STK32B: variants seen among roughly 807,000 people sequenced by gnomAD.
STK32B encodes the protein serine/threonine kinase 32B.
A neutral mutation model predicts 52.6 loss-of-function variants in STK32B; 43 were observed. The ratio of observed to expected loss-of-function variants is 0.82; its 90% CI spans 0.64 to 1.05. The LOEUF is 1.05. Ranked by LOEUF, STK32B falls within the 50% of genes least tolerant of loss-of-function variation. STK32B has a pLI of 0.00. For synonymous variants in STK32B, 238 were observed against 204.3 expected (o/e 1.17, Z -1.41); for missense variants, 621 against 534.6 (o/e 1.16, Z -1.59).
At chr4:5,421,541 T>G (rs1712649008) in intron 6 of STK32B, among the ~76,000 whole-genome samples, 1 of 152,206 alleles carries the variant, frequency 6.6e-6, no homozygotes, top group South Asian at 2.1e-4. Flanking sequence ...AAGGCAGTTT[T>G]CTACCAGCCC....
chr4:5,395,694 A>G lies in STK32B; in HGVS notation c.435-2513A>G, dbSNP rs1170030143. Among the ~76,000 whole-genome samples the G allele has an allele frequency of 6.6e-6, 1 of 152,238 alleles. No individual in the cohort carries two copies. Among genetic ancestry groups the G allele is most frequent in the Non-Finnish European group, 1.5e-5 (1 of 68,046 alleles). The stretch of plus-strand genomic sequence containing the variant: ...AATGCTTGAGATTCCACTCTGTGCT[A>G]AGAGCCAACACAGAAGCAATGTGTG... On this transcript the variant is annotated intron_variant, in intron 4 of 11. Coordinates refer to ENST00000282908, the MANE Select transcript of STK32B (RefSeq NM_018401.3). This position sits in a 1 kb window ranked among gnomAD's most constrained non-coding sequence, Gnocchi z 4.4.
Position 5,249,441 on chromosome 4 carries a change from ACCTTCCTTCCTTCCTTCCTTCCTTCCTT to A in STK32B, c.260+81027_260+81054del, listed in dbSNP as rs149485895. ...GTCTGTTCTTCCTTCCTTCCTACCT[ACCTTCCTTCCTTCCTTCCTTCCTTCCTT>A]CCTTCCTTCCTTCCTTCCTTCCTTC... On this transcript the variant is annotated intron_variant, in intron 3 of 11. Transcript: ENST00000282908. 3.8e-3 allele frequency among the ~76,000 whole-genome samples: 523 copies of A among 137,440 alleles called. 4 individuals carry two copies. Among genetic ancestry groups the A allele is most frequent in the South Asian group, 0.024 (97 of 3,998 alleles). The allele number at this position is 137,440 out of a possible 152,430, so 90.2% of individuals were successfully genotyped here.
At chr4:5,020,625 C>T in the STK32B span, among the ~76,000 whole-genome samples, 18 of 152,144 alleles carry the variant, frequency 1.2e-4, no homozygotes, top group East Asian at 3.9e-4. Flanking sequence ...GTCCTCCTGC[C>T]ATTCTTCCAT....
intron 2 of STK32B, among the ~76,000 whole-genome samples, chr4:5,152,350 C>T (rs996951696): frequency 1.3e-5 from 2 of 152,146 alleles, no homozygotes; most frequent in African/African-American, 2.4e-5. Flanking sequence ...TATTTTGCAA[C>T]CTGGACACAT....
intron 11 of STK32B, among the ~76,000 whole-genome samples, chr4:5,490,578 T>C (rs1299585789): frequency 2.0e-5 from 3 of 152,086 alleles, no homozygotes; most frequent in Non-Finnish European, 2.9e-5. Context: ...ATTTTTTAAA[T>C]TTTTTTATTA....
At chr4:5,411,730 A>G (rs984431539) in intron 5 of STK32B, among the ~76,000 whole-genome samples, 2 of 152,226 alleles carry the variant, frequency 1.3e-5, no homozygotes, top group African/African-American at 4.8e-5. Flanking sequence ...TTTGACAAAT[A>G]CATTTGAACC....
At chr4:5,141,977 C>T (rs951419381) in intron 2 of STK32B, among the ~76,000 whole-genome samples, 15 of 152,144 alleles carry the variant, frequency 9.9e-5, no homozygotes, top group East Asian at 7.7e-4. Flanking sequence ...CCAACCAACC[C>T]GTTTTATTGG....
chr4:5,471,682 A>G (rs7694659), intron 11 of STK32B, among the ~76,000 whole-genome samples: 23,256 of 151,910 alleles, frequency 0.15, 4,114 homozygotes, highest in African/African-American at 0.44. Flanking sequence ...CATGGGGACC[A>G]GCGTTTTAAT....
chr4:5,293,893 G>T (rs1729038375), intron 3 of STK32B, among the ~76,000 whole-genome samples: 1 of 152,072 alleles, frequency 6.6e-6, no homozygotes, highest in Admixed American at 6.6e-5. Context: ...TATTGCCTAG[G>T]TTTTCTTCTA....
At chr4:5,222,215 C>T (rs1237762520) in intron 3 of STK32B, among the ~76,000 whole-genome samples, 1 of 152,124 alleles carries the variant, frequency 6.6e-6, no homozygotes, top group Non-Finnish European at 1.5e-5. Flanking sequence ...TACAGCAGCA[C>T]AAACAGACCA....
chr4:5,493,101 G>C (rs1051058794), intron 11 of STK32B, among the ~76,000 whole-genome samples: 3 of 151,640 alleles, frequency 2.0e-5, no homozygotes, highest in Non-Finnish European at 4.4e-5. Flanking sequence ...CATAAAATGA[G>C]TTAGGGAGGA....
At chr4:5,048,463 A>C (rs1741658739), upstream of STK32B, among the ~76,000 whole-genome samples, 3 of 152,042 alleles carry the variant, frequency 2.0e-5, no homozygotes, top group South Asian at 6.2e-4. Flanking sequence ...CGCTTGGCTA[A>C]TATTTGTATT....
At chr4:5,459,406 C>T (rs1349758145) in intron 8 of STK32B, among the ~76,000 whole-genome samples, 1 of 151,884 alleles carries the variant, frequency 6.6e-6, no homozygotes, top group African/African-American at 2.4e-5. Context: ...AGGCAATGAG[C>T]CCAGGGCACC....
Position 5,460,022 on chromosome 4 carries a change from CCT to C in STK32B, c.784-80_784-79del. 6.2e-7 allele frequency: 1 copy of C among 1,603,886 alleles called. No individual in the cohort carries two copies. Among genetic ancestry groups the C allele is most frequent in the African/African-American group, 1.3e-5 (1 of 74,792 alleles). On this transcript the variant is annotated intron_variant, in intron 8 of 11. Coordinates refer to ENST00000282908, the MANE Select transcript of STK32B (RefSeq NM_018401.3). The surrounding 1 kb of genome is among the most constrained non-coding windows in gnomAD (Gnocchi z 4.8). ...TGAAGAGCAGAGGCACATTAATTGC[CCT>C]GAGACCCCCTCCTTCAGAGTCCCCG... is the stretch of plus-strand genomic sequence containing the variant.
At chr4:5,317,286 C>CAT (rs1324869191) in intron 3 of STK32B, among the ~76,000 whole-genome samples, 1 of 24,996 alleles carries the variant, frequency 4.0e-5, no homozygotes, top group Non-Finnish European at 6.0e-5. Flanking sequence ...TAACATATAA[C>CAT]ATATATATAA....
In STK32B at chr4:5,398,332, C is replaced by G; in HGVS notation, c.472+88C>G. 3 of 1,385,512 alleles carry G rather than the reference C, an allele frequency of 2.2e-6. No individual in the cohort carries two copies. The highest frequency in any genetic ancestry group is 3.0e-6 in the Non-Finnish European group (3 of 985,970). 85.8% of individuals were successfully genotyped at this position (1,385,512 alleles called of 1,614,324 possible). A position where few individuals can be genotyped will look rare whatever the true frequency, so the allele number is the denominator to read the frequency against. ...GTGCGGGGGTGGGGGTTGGGTCTTG[C>G]TGAGTTGGACATTAGCATTGGCTAG... On this transcript the variant is annotated intron_variant, in intron 5 of 11. Coordinates refer to ENST00000282908, the MANE Select transcript of STK32B (RefSeq NM_018401.3). This position sits in a 1 kb window ranked among gnomAD's most constrained non-coding sequence, Gnocchi z 4.9.
At chr4:5,131,907 A>G (rs1715801079) in intron 1 of STK32B, among the ~76,000 whole-genome samples, 1 of 152,220 alleles carries the variant, frequency 6.6e-6, no homozygotes, top group Non-Finnish European at 1.5e-5. Flanking sequence ...ATCTGTATAC[A>G]TTACATGGCA....
intron 11 of STK32B, among the ~76,000 whole-genome samples, chr4:5,496,059 T>G (rs1346158802): frequency 6.6e-6 from 1 of 152,238 alleles, no homozygotes; most frequent in Non-Finnish European, 1.5e-5. Flanking sequence ...AGTCTGCCTG[T>G]TCTCAGATCT....
chr4:5,391,575 C>T (rs1156818334), intron 4 of STK32B, among the ~76,000 whole-genome samples: 2 of 152,134 alleles, frequency 1.3e-5, no homozygotes, highest in East Asian at 1.9e-4. Flanking sequence ...GATGTGGCAT[C>T]CAGAGATAAG....
Sources: allele counts gnomAD v4.1 joint callset (sites outside exome capture counted in the v4.1 genomes callset), GRCh38; gene constraint gnomAD v4.1.1; non-coding constraint Gnocchi (gnomAD v3.1); transcripts MANE v1.5; gene names NCBI Gene and HGNC (gene_info 2026-07-23, HGNC 2026-07-21).